CDC25C: variants seen among roughly 807,000 people sequenced by gnomAD.
CDC25C encodes the protein cell division cycle 25C, also known as M-phase inducer phosphatase 3.
In CDC25C, 48 loss-of-function variants were observed where a neutral mutation model predicts 52.5. The observed-to-expected ratio is 0.91, with a 90% CI of 0.72 to 1.16. The LOEUF is 1.16. CDC25C is among the 50% of genes most tolerant of loss of function. The probability of loss-of-function intolerance (pLI) is 0.00; values close to 1 mark genes in which losing one functional copy is unlikely to be tolerated. For missense variants in CDC25C, 510 were observed against 566.1 expected (o/e 0.90, Z 1.01); for synonymous variants, 187 against 206.5 (o/e 0.91, Z 0.81).
At chr5:138,301,179 T>A (rs908654153) in intron 7 of CDC25C, among the ~76,000 whole-genome samples, 2 of 152,072 alleles carry the variant, frequency 1.3e-5, no homozygotes, top group African/African-American at 4.8e-5. Flanking sequence ...GATGATTTTT[T>A]AAAAAGATCA....
At chr5:138,338,069 C>T (rs745444069) in exon 1 of CDC25C, 3 of 1,289,826 alleles carry the variant, frequency 2.3e-6, no homozygotes, top group Admixed American at 2.3e-5. Context: ...CCACCCCCAT[C>T]CCTAAATCAA....
upstream of CDC25C, among the ~76,000 whole-genome samples, chr5:138,332,343 G>C (rs192875506): frequency 1.3e-5 from 2 of 152,294 alleles, no homozygotes; most frequent in African/African-American, 4.8e-5. Context: ...GTGTTGGGGC[G>C]AGACGGGTGT....
intron 7 of CDC25C, among the ~76,000 whole-genome samples, chr5:138,314,482 G>C (rs1436432292): frequency 6.6e-6 from 1 of 151,126 alleles, no homozygotes; most frequent in Non-Finnish European, 1.5e-5. Flanking sequence ...TTTTAGTAGA[G>C]CCAAGGTTTC....
chr5:138,338,090 T>C (rs1204919002), exon 1 of CDC25C: 1 of 1,289,758 alleles, frequency 7.8e-7, no homozygotes, highest in Non-Finnish European at 1.0e-6. Flanking sequence ...AGCGCCAGGC[T>C]CGTTCCCAAC....
At position 138,285,753 on chromosome 5, in the gene CDC25C, T is replaced by G. The variant is rs776806571; in HGVS notation, c.1361A>C (p.Gln454Pro). The change falls in exon 14 of 14, where the codon CAG becomes CCG. Residue 454 changes from glutamine (Q) to proline (P), a missense_variant. Gln to Pro is a moderately conservative substitution (Grantham distance 76). Transcript: ENST00000323760. ...CTCCCGCAGCTGCCGCTCCCCTTCC[T>G]GCACTTTGCTCTGGCTTCGACACCT... is the stretch of plus-strand genomic sequence containing the variant. ...LLRCRSQSKV[Q>P]EGERQLREQI... 17 of 1,614,106 alleles carry G rather than the reference T, an allele frequency of 1.1e-5. No homozygotes were observed. The highest frequency in any genetic ancestry group is 4.0e-5 in the African/African-American group (3 of 74,948).
In CDC25C at chr5:138,289,529, T is replaced by G. The variant is rs772283716; in HGVS notation, c.899A>C (p.Gln300Pro). 6.2e-7 allele frequency: 1 copy of G among 1,613,866 alleles called. No homozygotes were observed. The highest frequency in any genetic ancestry group is 1.1e-5 in the South Asian group (1 of 91,060). ...TTCTGGGTTGACATACTTCAGATCT[T>G]GGTGTTTCCCTGACACGGTTGGCAG... ...CALPTVSGKH[Q>P]DLKYVNPETV... The change falls in exon 10 of 14, where the codon CAA (glutamine) becomes CCA (proline). Residue 300 changes from glutamine (Q) to proline (P), a missense_variant. By Grantham distance (76) the Gln-to-Pro change is moderately conservative. Coordinates refer to ENST00000323760, the MANE Select transcript of CDC25C (RefSeq NM_001790.5).
In CDC25C at chr5:138,331,098, A is replaced by G. The variant is rs767868163; in HGVS notation, c.83T>C (p.Met28Thr). The change falls in exon 2 of 14, where the codon ATG (methionine) becomes ACG (threonine). Residue 28 changes from methionine (M) to threonine (T), a missense_variant. Met to Thr is a moderately conservative substitution (Grantham distance 81). Coordinates refer to ENST00000323760, the MANE Select transcript of CDC25C (RefSeq NM_001790.5). ...GTCTCTCTCCAGGAGCAGGTTTAAC[A>G]TTTTCCTTTGATTAGACCTAAAACT... ...GPSFRSNQRKMLNLLLERDTS... is the reference protein window; with the variant it reads ...GPSFRSNQRKTLNLLLERDTS... 6.2e-7 allele frequency: 1 copy of G among 1,613,948 alleles called. No individual in the cohort carries two copies. The highest frequency in any genetic ancestry group is 8.5e-7 in the Non-Finnish European group (1 of 1,179,898).
rs369857064 is a variant in CDC25C at position 138,287,204 on chromosome 5, G to A, written c.991C>T (p.Arg331Cys). ...LIEKFYVIDCRYPYEYLGGHI... is the reference protein window; with the variant it reads ...LIEKFYVIDCCYPYEYLGGHI... ...CCTCCCAGATACTCATATGGATAGC[G>A]ACAATCAATGACATAAAACTTCTCA... is the stretch of plus-strand genomic sequence containing the variant. The change falls in exon 11 of 14, where the codon CGC (arginine) becomes TGC (cysteine). Residue 331 changes from arginine (R) to cysteine (C), a missense_variant. Physicochemically the swap from Arg to Cys is radical, Grantham distance 180. Coordinates refer to ENST00000323760, the MANE Select transcript of CDC25C (RefSeq NM_001790.5). 6.1e-5 allele frequency: 98 copies of A among 1,613,764 alleles called. No homozygotes were observed. The highest frequency in any genetic ancestry group is 8.2e-5 in the Non-Finnish European group (97 of 1,179,902).
chr5:138,326,189 A>G, intron 4 of CDC25C, 135 bp from the exon 5 acceptor site: 1 of 866,976 alleles, frequency 1.2e-6, no homozygotes, highest in Non-Finnish European at 2.0e-6. Context: ...CTCTTCCAAC[A>G]ACAATACATA....
At chr5:138,293,212 C>A (rs547963225) in intron 7 of CDC25C, among the ~76,000 whole-genome samples, 2 of 152,154 alleles carry the variant, frequency 1.3e-5, no homozygotes, top group African/African-American at 4.8e-5. Context: ...CACCCTACCC[C>A]CCAGACACTG....
chr5:138,309,007 C>T (rs1758240305), intron 7 of CDC25C, among the ~76,000 whole-genome samples: 2 of 152,090 alleles, frequency 1.3e-5, no homozygotes, highest in South Asian at 4.1e-4. Context: ...ATGGTGCCTA[C>T]TATACTCTAA....
chr5:138,319,186 A>G, intron 7 of CDC25C, 33 bp downstream of exon 7: 1 of 1,562,134 alleles, frequency 6.4e-7, no homozygotes, highest in Non-Finnish European at 8.7e-7. Flanking sequence ...AGGAATATGA[A>G]GAATACAAAG....
chr5:138,286,293 C>T (rs1476881454), intron 12 of CDC25C, among the ~76,000 whole-genome samples, 160 bp from the exon 13 acceptor site: 1 of 152,172 alleles, frequency 6.6e-6, no homozygotes, highest in South Asian at 2.1e-4. Context: ...GTAGTACCAC[C>T]CTTCCTCCTT....
At chr5:138,332,497 T>C (rs371568122), upstream of CDC25C, among the ~76,000 whole-genome samples, 174 of 152,324 alleles carry the variant, frequency 1.1e-3, no homozygotes, top group Middle Eastern at 3.4e-3. Context: ...ATCATCTTGG[T>C]ATAATCCTTA....
chr5:138,289,174 C>T (rs1481466395), intron 10 of CDC25C, among the ~76,000 whole-genome samples: 1 of 152,004 alleles, frequency 6.6e-6, no homozygotes, highest in African/African-American at 2.4e-5. Flanking sequence ...GCCATGTTGG[C>T]CAGGGTGGTC....
intron 7 of CDC25C, among the ~76,000 whole-genome samples, chr5:138,318,191 A>T (rs1447228122): frequency 6.6e-6 from 1 of 152,140 alleles, no homozygotes. Flanking sequence ...TTAGCCAGGC[A>T]TGATGGCGTG....
intron 9 of CDC25C, 93 bp from the exon 10 acceptor site, chr5:138,289,656 CT>C: frequency 1.0e-6 from 1 of 1,003,350 alleles, no homozygotes; most frequent in Non-Finnish European, 1.6e-6. Flanking sequence ...CCAAGTGACC[CT>C]TAAAACCCCA....
intron 7 of CDC25C, among the ~76,000 whole-genome samples, chr5:138,313,644 C>A (rs910708014): frequency 6.6e-6 from 1 of 152,084 alleles, no homozygotes; most frequent in African/African-American, 2.4e-5. Context: ...GTGTCTACTT[C>A]ATTATCAGTC....
intron 6 of CDC25C, among the ~76,000 whole-genome samples, chr5:138,322,710 C>G (rs180807035): frequency 6.7e-6 from 1 of 149,404 alleles, no homozygotes; most frequent in African/African-American, 2.5e-5. Context: ...CTCCTGACCT[C>G]GTGATCCGCC....
Sources: gnomAD v4.1 joint callset for allele counts (sites outside exome capture counted in the v4.1 genomes callset) on GRCh38, gnomAD v4.1.1 for gene constraint, MANE v1.5 for transcripts, NCBI Gene and HGNC (gene_info 2026-07-23, HGNC 2026-07-21) for gene names.